The following DYNC2H1 variants were observed in gnomAD, a reference collection of about 807,000 sequenced individuals.
DYNC2H1 encodes dynein cytoplasmic 2 heavy chain 1.
A neutral mutation model predicts 570.0 loss-of-function variants in DYNC2H1; 410 were observed. The ratio of observed to expected loss-of-function variants is 0.72; its 90% CI spans 0.66 to 0.78. The LOEUF (loss-of-function observed/expected upper bound fraction) is 0.78, where lower values mean the gene tolerates loss of function less well. DYNC2H1 is among the 30% of genes least tolerant of loss of function. The probability of loss-of-function intolerance (pLI) is 0.00; values close to 1 mark genes in which losing one functional copy is unlikely to be tolerated. For synonymous variants in DYNC2H1, 1,688 were observed against 1,677.6 expected, an observed-to-expected ratio of 1.01 and a Z score of -0.15; for missense variants, 4,865 against 5,046.4, an observed-to-expected ratio of 0.96 and a Z score of 1.09.
intron 84 of DYNC2H1, among the ~76,000 whole-genome samples, chr11:103,433,802 C>T (rs1943974545): frequency 1.3e-5 from 2 of 152,066 alleles, no homozygotes; most frequent in African/African-American, 4.8e-5. Context: ...TCAAAAATAA[C>T]CGCATAAATA....
intron 88 of DYNC2H1, among the ~76,000 whole-genome samples, chr11:103,469,627 G>A (rs1408645158): frequency 2.0e-5 from 3 of 152,138 alleles, no homozygotes; most frequent in Non-Finnish European, 4.4e-5. Context: ...ACAGCTATAA[G>A]AGTATCCTCT....
rs183191346 is a variant in DYNC2H1, at chr11:103,122,988, G to C, written c.1649G>C (p.Arg550Thr). 6.3e-5 allele frequency: 96 copies of C among 1,525,610 alleles called. 1 individual carries two copies. The African/African-American group carries it at 1.2e-3, about 19-fold the overall frequency. The allele number at this position is 1,525,610 out of a possible 1,614,324, so 94.5% of individuals were successfully genotyped here. The change falls in exon 11 of 89, where the codon AGA becomes ACA. Residue 550 changes from arginine to threonine, a missense_variant. Arg to Thr is a moderately conservative substitution (Grantham distance 71). Transcript: ENST00000375735. ...RDIQSGLSDS[R>T]SGLCIEASSR... Reference sequence around the variant, plus strand: ...ATTCAATCAGGTTTATCTGATTCCAGATCTGGTTTGTGGTAAGTATAGATA... The same window carrying C: ...ATTCAATCAGGTTTATCTGATTCCACATCTGGTTTGTGGTAAGTATAGATA...
rs1464498986 is a variant in DYNC2H1, at chr11:103,239,172, A to G, written c.9819+2633A>G. Among the ~76,000 whole-genome samples the G allele has an allele frequency of 2.0e-5, 3 of 152,114 alleles. No individual in the cohort carries two copies. Among genetic ancestry groups the G allele is most frequent in the African/African-American group, 7.2e-5 (3 of 41,432 alleles). On this transcript the variant is annotated intron_variant, in intron 63 of 88. Coordinates refer to ENST00000375735, the MANE Select transcript of DYNC2H1 (RefSeq NM_001377.3). This position sits in a 1 kb window ranked among gnomAD's most constrained non-coding sequence, Gnocchi z 4.3. Reference sequence around the variant, plus strand: ...GACATCTATTGAATATTTGTGTTTTATTGTTATAGACAGTTCAGTGTCAAA... The same window carrying G: ...GACATCTATTGAATATTTGTGTTTTGTTGTTATAGACAGTTCAGTGTCAAA...
intron 70 of DYNC2H1, among the ~76,000 whole-genome samples, chr11:103,272,242 C>T (rs1304177875): frequency 6.6e-6 from 1 of 152,126 alleles, no homozygotes; most frequent in Non-Finnish European, 1.5e-5. Flanking sequence ...ACTATGCAGC[C>T]ATAAAAAATG....
chr11:103,418,931 C>A (rs1055925442), intron 84 of DYNC2H1, among the ~76,000 whole-genome samples: 49 of 152,322 alleles, frequency 3.2e-4, no homozygotes, highest in African/African-American at 1.1e-3. Context: ...TACACACACA[C>A]AGGCCCAGGA....
intron 57 of DYNC2H1, among the ~76,000 whole-genome samples, chr11:103,221,289 T>C (rs1384259843): frequency 6.6e-6 from 1 of 152,192 alleles, no homozygotes; most frequent in Non-Finnish European, 1.5e-5. Context: ...AGTTGTGTTA[T>C]GGTTTGTGCC....
intron 21 of DYNC2H1, among the ~76,000 whole-genome samples, chr11:103,152,626 T>C (rs1228096218): frequency 6.6e-6 from 1 of 152,176 alleles, no homozygotes; most frequent in African/African-American, 2.4e-5. Context: ...TTAACTACTC[T>C]AATGGAGACC....
In DYNC2H1 at chr11:103,241,518, C is replaced by T. The variant is rs1864421286; in HGVS notation, c.9820-2175C>T. 1 of 1,593,012 alleles carries T rather than the reference C, an allele frequency of 6.3e-7. No individual in the cohort carries two copies. Among genetic ancestry groups the T allele is most frequent in the Admixed American group, 1.7e-5 (1 of 59,428 alleles). On this transcript the variant is annotated intron_variant, in intron 63 of 88. Transcript: ENST00000375735. This position sits in a 1 kb window ranked among gnomAD's most constrained non-coding sequence, Gnocchi z 5.1. ...TGTTACCTTTCTTCTTTTCATTTAA[C>T]TGCATCAGATCATTGGTTTGAAATC...
In DYNC2H1 at chr11:103,168,737, A is replaced by G. The variant is rs1410186764; in HGVS notation, c.4763-18A>G. The G allele has an allele frequency of 1.9e-6, 3 of 1,608,628 alleles. No homozygotes were observed. Among genetic ancestry groups the G allele is most frequent in the Non-Finnish European group, 8.5e-7 (1 of 1,177,396 alleles). ...GCTAACATTTTCTCCAATTGTCAAT[A>G]TTTTTATTTCTGCCTAGAATCGGGC... On this transcript the variant is annotated intron_variant, in intron 31 of 88. Transcript: ENST00000375735.
At chr11:103,258,532 G>T (rs1426502084) in intron 69 of DYNC2H1, among the ~76,000 whole-genome samples, 8 of 151,964 alleles carry the variant, frequency 5.3e-5, no homozygotes, top group Admixed American at 5.2e-4. Flanking sequence ...AGAGTTGAGG[G>T]GCTAAGACAG....
chr11:103,451,875 T>G (rs146205033), intron 85 of DYNC2H1, among the ~76,000 whole-genome samples: 224 of 152,324 alleles, frequency 1.5e-3, no homozygotes, highest in African/African-American at 5.1e-3. Context: ...ATTAACTCAT[T>G]TTCATATTTG....
chr11:103,298,821 T>C (rs1448789557), intron 75 of DYNC2H1, among the ~76,000 whole-genome samples: 2 of 152,172 alleles, frequency 1.3e-5, no homozygotes, highest in Non-Finnish European at 2.9e-5. Flanking sequence ...TTTTATAATC[T>C]GTAAACCTTA....
chr11:103,312,414 C>G (rs1246789535), intron 79 of DYNC2H1, among the ~76,000 whole-genome samples: 1 of 144,544 alleles, frequency 6.9e-6, no homozygotes, highest in Non-Finnish European at 1.5e-5. Flanking sequence ...TAGTGGCACA[C>G]GCCTGTAGTT....
chr11:103,436,037 G>C lies in DYNC2H1; in HGVS notation c.12456+5G>C, dbSNP rs545516611. The C allele has an allele frequency of 6.2e-7, 1 of 1,611,492 alleles. No individual in the cohort carries two copies. The highest frequency in any genetic ancestry group is 1.7e-5 in the Admixed American group (1 of 59,772). On this transcript the variant is annotated splice_donor_5th_base_variant and intron_variant, in intron 85 of 88. Transcript: ENST00000375735. ...GCCCGTGCCCTTGCAATACAGGTAT[G>C]CCTAAATTATTTACTAAGTGGGTTG...
intron 55 of DYNC2H1, among the ~76,000 whole-genome samples, chr11:103,218,770 G>T (rs1863476219): frequency 6.6e-6 from 1 of 152,144 alleles, no homozygotes; most frequent in Non-Finnish European, 1.5e-5. Context: ...TAAGACTGTA[G>T]CTAATTTTAT....
chr11:103,338,885 A>T (rs143959925), intron 82 of DYNC2H1, among the ~76,000 whole-genome samples: 6 of 152,228 alleles, frequency 3.9e-5, no homozygotes, highest in Non-Finnish European at 7.4e-5. Flanking sequence ...ATGGACATTC[A>T]TCATTGTCTG....
intron 83 of DYNC2H1, among the ~76,000 whole-genome samples, chr11:103,381,996 A>T (rs2671390): frequency 0.66 from 99,727 of 152,036 alleles, 33,032 homozygotes; most frequent in Admixed American, 0.72. Flanking sequence ...GAAAAGCAAA[A>T]TACTGAAAAG....
At chr11:103,456,693 C>G (rs747655726) in intron 87 of DYNC2H1, among the ~76,000 whole-genome samples, 7 of 152,136 alleles carry the variant, frequency 4.6e-5, no homozygotes, top group Non-Finnish European at 1.0e-4. Context: ...ACAGGTTGAG[C>G]ATCCAAACAT....
rs386374721 is a variant in DYNC2H1 at position 103,309,168 on chromosome 11, A to ATTTTTTT, written c.11493+1355_11493+1361dup. On this transcript the variant is annotated intron_variant, in intron 78 of 88. Coordinates refer to ENST00000375735, the MANE Select transcript of DYNC2H1 (RefSeq NM_001377.3). ...TTATTAGTGTTTGTAACTGCATGCT[A>ATTTTTTT]TTTTTTTTTTTTTTTTTTTTTTTTG... 1.4e-3 allele frequency among the ~76,000 whole-genome samples: 79 copies of ATTTTTTT among 54,642 alleles called. 7 individuals carry two copies. Among genetic ancestry groups the ATTTTTTT allele is most frequent in the Non-Finnish European group, 1.8e-3 (53 of 29,372 alleles). The allele number at this position is 54,642 out of a possible 152,430, so 35.8% of individuals were successfully genotyped here.
Sources: gnomAD v4.1 joint callset for allele counts (sites outside exome capture counted in the v4.1 genomes callset) on GRCh38, gnomAD v4.1.1 for gene constraint, Gnocchi (gnomAD v3.1) non-coding constraint, MANE v1.5 for transcripts, NCBI Gene and HGNC (gene_info 2026-07-23, HGNC 2026-07-21) for gene names.